TAOK3: variants seen among roughly 807,000 people sequenced by gnomAD.
TAOK3 encodes TAO kinase 3.
In TAOK3, 40 loss-of-function variants were observed where a neutral mutation model predicts 120.4. That is an observed-to-expected ratio of 0.33 (90% confidence interval 0.26 to 0.43). The LOEUF is 0.43. Among genes scored for constraint, TAOK3 ranks in the 20% least tolerant of loss-of-function variants. The pLI is 1.00. For missense variants in TAOK3, 821 were observed against 1,112.1 expected (o/e 0.74, Z 3.72); for synonymous variants, 355 against 387.5 (o/e 0.92, Z 0.99).
intron 19 of TAOK3, among the ~76,000 whole-genome samples, chr12:118,154,957 C>G (rs930715888): frequency 6.6e-6 from 1 of 151,974 alleles, no homozygotes; most frequent in Non-Finnish European, 1.5e-5. Flanking sequence ...CACTACAGCC[C>G]ATGGGCCAAA....
chr12:118,152,146 G>C, intron 20 of TAOK3, 81 bp downstream of exon 20: 1 of 1,339,516 alleles, frequency 7.5e-7, no homozygotes, highest in Non-Finnish European at 1.0e-6. Context: ...CTCTAACTAA[G>C]GAAGGCTGCA....
chr12:118,176,196 T>C (rs941438316), intron 16 of TAOK3, among the ~76,000 whole-genome samples: 3 of 151,840 alleles, frequency 2.0e-5, no homozygotes, highest in African/African-American at 7.3e-5. Flanking sequence ...CCGAGCAAAA[T>C]TGTGGTCAGG....
At position 118,310,194 on chromosome 12, in the gene TAOK3, G is replaced by A. The variant is rs569580640; in HGVS notation, c.-193-43435C>T. Among the ~76,000 whole-genome samples, 11 of 152,334 alleles carry A rather than the reference G, an allele frequency of 7.2e-5. 1 individual carries two copies. In the South Asian group the frequency reaches 1.4e-3, roughly 20 times the overall value. On this transcript the variant is annotated intron_variant, in intron 1 of 20. Transcript: ENST00000392533. The stretch of plus-strand genomic sequence containing the variant: ...TGCTACTTGGAAGGCTGAGGTGGGA[G>A]GATTCCTTGAGTCAGGGAGATGGAG...
At chr12:118,334,067 A>C (rs1181331521) in intron 1 of TAOK3, among the ~76,000 whole-genome samples, 2 of 150,144 alleles carry the variant, frequency 1.3e-5, no homozygotes, top group African/African-American at 2.4e-5. Context: ...CCCAGAAGGC[A>C]GAGGTTGCAG....
At chr12:118,278,512 T>C (rs746559176) in intron 1 of TAOK3, among the ~76,000 whole-genome samples, 26 of 152,218 alleles carry the variant, frequency 1.7e-4, no homozygotes, top group Non-Finnish European at 3.4e-4. Context: ...CCATGGTGTA[T>C]ATGCACCACA....
chr12:118,291,223 C>G (rs553269293), intron 1 of TAOK3, among the ~76,000 whole-genome samples: 21 of 150,604 alleles, frequency 1.4e-4, no homozygotes, highest in African/African-American at 4.9e-4. Flanking sequence ...ATGGTGAGAT[C>G]TCAGCTTACT....
intron 17 of TAOK3, among the ~76,000 whole-genome samples, chr12:118,170,523 A>T (rs2035934915): frequency 6.6e-6 from 1 of 152,130 alleles, no homozygotes; most frequent in Admixed American, 6.6e-5. Flanking sequence ...ACACTTTGGG[A>T]GGCTGAGGCA....
At chr12:118,362,368 A>C (rs1662755128) in intron 1 of TAOK3, among the ~76,000 whole-genome samples, 1 of 151,392 alleles carries the variant, frequency 6.6e-6, no homozygotes, top group Non-Finnish European at 1.5e-5. Flanking sequence ...TAAATCTCAC[A>C]ATGTTTTAAG....
chr12:118,151,555 G>A (rs1272997481), intron 20 of TAOK3, among the ~76,000 whole-genome samples: 1 of 152,148 alleles, frequency 6.6e-6, no homozygotes, highest in Non-Finnish European at 1.5e-5. Flanking sequence ...CTTTCCCACA[G>A]AGAGCCAAAT....
chr12:118,165,648 T>G (rs2035532822), intron 17 of TAOK3, among the ~76,000 whole-genome samples: 2 of 152,228 alleles, frequency 1.3e-5, no homozygotes, highest in Non-Finnish European at 2.9e-5. Flanking sequence ...GTCTTATGTA[T>G]GGCTTGGGGC....
At chr12:118,213,970 A>G (rs778912797) in intron 10 of TAOK3, 47 bp downstream of exon 10, 1 of 1,476,866 alleles carries the variant, frequency 6.8e-7, no homozygotes, top group African/African-American at 1.4e-5. Flanking sequence ...AATGTCAAAT[A>G]CATACGGTGA....
In TAOK3 at chr12:118,172,465, T is replaced by A. The variant is rs1265777917; in HGVS notation, c.1891A>T (p.Ile631Phe). 1.2e-6 allele frequency: 2 copies of A among 1,614,052 alleles called. No homozygotes were observed. Among genetic ancestry groups the A allele is most frequent in the Non-Finnish European group, 1.7e-6 (2 of 1,180,012 alleles). Residue 631 changes from isoleucine (I) to phenylalanine (F), a missense_variant, in exon 17 of 21, where the codon ATT becomes TTT. Physicochemically the swap from Ile to Phe is conservative, Grantham distance 21 (BLOSUM62 0). This residue lies in a region of TAOK3 where 354 missense variants were observed against 572.1 expected (regional missense o/e 0.62). Coordinates refer to ENST00000392533, the MANE Select transcript of TAOK3 (RefSeq NM_016281.4). ...ACGAGCGTAATAAATACCTCCCGAA[T>A]GTTCTGCTGCTCCACCTCGTGCCGC... ...IKRHEVEQQNIREELNKKRTQ... is the reference protein window; with the variant it reads ...IKRHEVEQQNFREELNKKRTQ...
chr12:118,345,612 G>T (rs953410026), intron 1 of TAOK3, among the ~76,000 whole-genome samples: 5 of 150,880 alleles, frequency 3.3e-5, no homozygotes, highest in Non-Finnish European at 1.5e-5. Context: ...GGTGGGTGGA[G>T]AAAAAAACAG....
At chr12:118,289,348 T>G (rs1016896085) in intron 1 of TAOK3, among the ~76,000 whole-genome samples, 1 of 150,856 alleles carries the variant, frequency 6.6e-6, no homozygotes, top group Admixed American at 6.6e-5. Flanking sequence ...TCTTCAGGTA[T>G]TTAGAATAAC....
chr12:118,188,911 T>G (rs567674863), intron 14 of TAOK3, among the ~76,000 whole-genome samples: 227 of 139,672 alleles, frequency 1.6e-3, no homozygotes, highest in Middle Eastern at 3.5e-3. Context: ...GTGCCAAGGA[T>G]GAAACGATGT....
intron 17 of TAOK3, among the ~76,000 whole-genome samples, chr12:118,165,557 C>A (rs2035525630): frequency 6.6e-6 from 1 of 152,206 alleles, no homozygotes; most frequent in Non-Finnish European, 1.5e-5. Context: ...ACAAGCTACG[C>A]AGCTAATTCT....
rs772663372 is a variant in TAOK3 at position 118,233,720 on chromosome 12, A to G, written c.597T>C (p.Asp199=). ...CAAGTGACCAAATATCAACTTTCCC[A>G]TCATACTGTCCTTCATCCATAGCTA... ...VILAMDEGQY[D]GKVDIWSLGI... The change falls in exon 9 of 21, where the codon GAT becomes GAC. Residue 199 remains aspartate (D), a synonymous_variant. Coordinates refer to ENST00000392533, the MANE Select transcript of TAOK3 (RefSeq NM_016281.4). 6.2e-7 allele frequency: 1 copy of G among 1,609,554 alleles called. No homozygotes were observed. The highest frequency in any genetic ancestry group is 1.1e-5 in the South Asian group (1 of 90,482).
intron 17 of TAOK3, among the ~76,000 whole-genome samples, chr12:118,168,430 A>C (rs1238115340): frequency 6.6e-6 from 1 of 152,242 alleles, no homozygotes; most frequent in African/African-American, 2.4e-5. Flanking sequence ...TTATTTCACA[A>C]TGTATACATA....
At chr12:118,191,410 T>C (rs1317767382) in intron 13 of TAOK3, among the ~76,000 whole-genome samples, 2 of 152,196 alleles carry the variant, frequency 1.3e-5, no homozygotes, top group Non-Finnish European at 2.9e-5. Flanking sequence ...AGCTGCGCTG[T>C]CCAGCAAGAT....
Sources: allele counts gnomAD v4.1 joint callset (sites outside exome capture counted in the v4.1 genomes callset), GRCh38; gene constraint gnomAD v4.1.1; regional missense constraint gnomAD v4.1.1; transcripts MANE v1.5; gene names NCBI Gene and HGNC (gene_info 2026-07-23, HGNC 2026-07-21).